Variants in GABBR2 observed in about 807,000 individuals in gnomAD.
GABBR2 encodes gamma-aminobutyric acid type B receptor subunit 2.
A neutral mutation model predicts 105.6 loss-of-function variants in GABBR2; 23 were observed. That is an observed-to-expected ratio of 0.22 (90% confidence interval 0.16 to 0.31). GABBR2 has a LOEUF of 0.31. Among genes scored for constraint, GABBR2 ranks in the 10% least tolerant of loss-of-function variants. The pLI is 1.00. For missense variants in GABBR2, 734 were observed against 1,245.5 expected, an observed-to-expected ratio of 0.59 and a Z score of 6.18; for synonymous variants, 478 against 499.7, an observed-to-expected ratio of 0.96 and a Z score of 0.58.
intron 4 of GABBR2, among the ~76,000 whole-genome samples, chr9:98,486,425 A>C (rs1431332387): frequency 6.6e-6 from 1 of 152,228 alleles, no homozygotes; most frequent in Non-Finnish European, 1.5e-5. Context: ...AGTGCAGGAC[A>C]GCAGAGGTGA....
At chr9:98,622,003 C>G (rs1427071265) in intron 1 of GABBR2, among the ~76,000 whole-genome samples, 1 of 151,496 alleles carries the variant, frequency 6.6e-6, no homozygotes, top group Admixed American at 6.6e-5. Context: ...GTCTTGCCAC[C>G]AAAAAAAATG....
chr9:98,311,015 A>T, intron 14 of GABBR2, 80 bp downstream of exon 14: 1 of 766,316 alleles, frequency 1.3e-6, no homozygotes, highest in Non-Finnish European at 2.3e-6. Context: ...GTTTATTTTT[A>T]CATTGATGGA....
chr9:98,323,788 C>G (rs1830867701), intron 13 of GABBR2, among the ~76,000 whole-genome samples: 1 of 152,206 alleles, frequency 6.6e-6, no homozygotes, highest in Non-Finnish European at 1.5e-5. Context: ...AGTGCACAAC[C>G]TGGTTGGCTG....
intron 13 of GABBR2, among the ~76,000 whole-genome samples, chr9:98,343,466 G>A (rs1246985047): frequency 2.0e-5 from 3 of 152,164 alleles, no homozygotes; most frequent in Admixed American, 6.5e-5. Flanking sequence ...ATGAAAGGAA[G>A]GCTTGGGAAA....
chr9:98,605,882 G>A lies in GABBR2; in HGVS notation c.322-27810C>T, dbSNP rs1004872364. ...GTTGGTGTGCTGCACCCGTTAACTCGTCATTTACGTTAGGTATATCTCCTA... is the reference window on the plus strand; with the variant it reads ...GTTGGTGTGCTGCACCCGTTAACTCATCATTTACGTTAGGTATATCTCCTA... On this transcript the variant is annotated intron_variant, in intron 1 of 18. Transcript: ENST00000259455. Among the ~76,000 whole-genome samples, 8 of 152,098 alleles carry A rather than the reference G, an allele frequency of 5.3e-5. No homozygotes were observed. In the South Asian group the frequency reaches 1.0e-3, roughly 20 times the overall value.
intron 1 of GABBR2, among the ~76,000 whole-genome samples, chr9:98,704,738 A>C (rs1315716449): frequency 7.0e-6 from 1 of 142,734 alleles, no homozygotes; most frequent in East Asian, 2.1e-4. Flanking sequence ...CAGCTTTTCC[A>C]CAATGAACAT....
At chr9:98,705,918 A>G (rs1332707764) in intron 1 of GABBR2, among the ~76,000 whole-genome samples, 1 of 151,974 alleles carries the variant, frequency 6.6e-6, no homozygotes, top group East Asian at 1.9e-4. Context: ...CTCTACTAAA[A>G]ATACAAAATT....
At chr9:98,466,283 C>T (rs1826553213) in intron 6 of GABBR2, among the ~76,000 whole-genome samples, 1 of 152,146 alleles carries the variant, frequency 6.6e-6, no homozygotes, top group Non-Finnish European at 1.5e-5. Context: ...TTCAAAAGTT[C>T]AAAAGCAGGC....
intron 1 of GABBR2, among the ~76,000 whole-genome samples, chr9:98,647,829 G>A (rs1341780698): frequency 6.6e-6 from 1 of 152,086 alleles, no homozygotes; most frequent in Non-Finnish European, 1.5e-5. Context: ...TCATTACCTC[G>A]AGCGCTGGCT....
At chr9:98,501,153 C>CT (rs199661688) in intron 3 of GABBR2, among the ~76,000 whole-genome samples, 30,958 of 125,576 alleles carry the variant, frequency 0.25, 4,356 homozygotes, top group Non-Finnish European at 0.32. Context: ...CCCCCTGCTC[C>CT]TTTTTTTTTT....
At chr9:98,377,199 G>A (rs1211438563) in intron 11 of GABBR2, among the ~76,000 whole-genome samples, 2 of 142,382 alleles carry the variant, frequency 1.4e-5, no homozygotes, top group African/African-American at 2.5e-5. Context: ...TTTTGGAAAC[G>A]CAGCATTCTC....
intron 4 of GABBR2, among the ~76,000 whole-genome samples, chr9:98,483,846 A>G (rs1826983352): frequency 2.0e-5 from 3 of 152,232 alleles, no homozygotes; most frequent in South Asian, 2.1e-4. Context: ...CTTGCCTCCA[A>G]TGTGGCTCAA....
At chr9:98,607,216 T>A (rs1829438524) in intron 1 of GABBR2, 1 of 1,532,094 alleles carries the variant, frequency 6.5e-7, no homozygotes, top group East Asian at 2.2e-5. Context: ...GCTGGCAGCC[T>A]TACAATCGAC....
intron 1 of GABBR2, among the ~76,000 whole-genome samples, chr9:98,588,285 A>C (rs375114767): frequency 6.6e-6 from 1 of 152,238 alleles, no homozygotes; most frequent in South Asian, 2.1e-4. Context: ...TGTCATTGCA[A>C]CTAATTCATT....
intron 8 of GABBR2, among the ~76,000 whole-genome samples, chr9:98,405,292 T>A (rs1386036702): frequency 6.6e-6 from 1 of 152,184 alleles, no homozygotes; most frequent in East Asian, 1.9e-4. Flanking sequence ...CACTGTTGCA[T>A]GTCTGTGGTC....
chr9:98,625,273 G>A (rs185217456), intron 1 of GABBR2, among the ~76,000 whole-genome samples: 3 of 152,282 alleles, frequency 2.0e-5, no homozygotes, highest in Admixed American at 2.0e-4. Flanking sequence ...CCACTCACTT[G>A]CCCAGGGAAG....
chr9:98,608,168 CA>C (rs1829457308), intron 1 of GABBR2: 1 of 1,144,524 alleles, frequency 8.7e-7, no homozygotes, highest in Admixed American at 2.1e-5. Context: ...TATTAGTTGC[CA>C]ATATGCCAGC....
In GABBR2 at chr9:98,607,024, A is replaced by G. The variant is rs1036118957; in HGVS notation, c.322-28952T>C. On this transcript the variant is annotated intron_variant, in intron 1 of 18. Coordinates refer to ENST00000259455, the MANE Select transcript of GABBR2 (RefSeq NM_005458.8). ...GCTCAACAGAAGACCCCTGAAGGCT[A>G]TGTGGGATTTGCCAATCTCCCAAAC... 3.6e-5 allele frequency: 39 copies of G among 1,092,636 alleles called. 1 individual carries two copies. In the South Asian group the frequency reaches 4.6e-4, roughly 13 times the overall value. The allele number at this position is 1,092,636 out of a possible 1,614,324, so 67.7% of individuals were successfully genotyped here. A position where few individuals can be genotyped will look rare whatever the true frequency, so the allele number is the denominator to read the frequency against.
intron 13 of GABBR2, among the ~76,000 whole-genome samples, chr9:98,322,007 C>T (rs1830830740): frequency 6.6e-6 from 1 of 152,044 alleles, no homozygotes. Flanking sequence ...AAAAGGAGTC[C>T]TCACACTCCC....
Sources: allele counts gnomAD v4.1 joint callset (sites outside exome capture counted in the v4.1 genomes callset), GRCh38; gene constraint gnomAD v4.1.1; transcripts MANE v1.5; gene names NCBI Gene and HGNC (gene_info 2026-07-23, HGNC 2026-07-21).